SPAG16: variants seen among roughly 807,000 people sequenced by gnomAD.
SPAG16 encodes the protein sperm-associated antigen 16 protein.
Under a neutral mutation model 80.4 loss-of-function variants are expected in SPAG16, and 86 were observed. The observed-to-expected ratio is 1.07, with a 90% CI of 0.90 to 1.28. The LOEUF is 1.28. Among genes scored for constraint, SPAG16 ranks in the 50% most tolerant of loss-of-function variants. The pLI, the probability that SPAG16 is intolerant of heterozygous loss-of-function variation, is 0.00. For missense variants in SPAG16, 870 were observed against 765.3 expected, an observed-to-expected ratio of 1.14 and a Z score of -1.61; for synonymous variants, 294 against 265.9, an observed-to-expected ratio of 1.11 and a Z score of -1.03.
chr2:213,941,182 T>C (rs1422608629), intron 12 of SPAG16, among the ~76,000 whole-genome samples: 1 of 152,192 alleles, frequency 6.6e-6, no homozygotes, highest in African/African-American at 2.4e-5. Context: ...ACTGTATGGT[T>C]TGGAATTAAA....
At chr2:214,172,967 G>C (rs2056931808) in intron 15 of SPAG16, among the ~76,000 whole-genome samples, 1 of 151,816 alleles carries the variant, frequency 6.6e-6, no homozygotes, top group Non-Finnish European at 1.5e-5. Flanking sequence ...TTGTAAATTT[G>C]TTTGAGTTCA....
At chr2:213,361,166 A>G (rs928120952) in intron 7 of SPAG16, among the ~76,000 whole-genome samples, 1 of 152,100 alleles carries the variant, frequency 6.6e-6, no homozygotes, top group Non-Finnish European at 1.5e-5. Context: ...GTGAATCAAC[A>G]TTTATTTAAA....
intron 11 of SPAG16, among the ~76,000 whole-genome samples, chr2:213,892,240 A>G (rs1397004246): frequency 6.6e-6 from 1 of 152,124 alleles, no homozygotes; most frequent in African/African-American, 2.4e-5. Context: ...AGCTTTTACT[A>G]GAGCCAAGGC....
chr2:213,854,619 C>T (rs560673999), intron 10 of SPAG16, among the ~76,000 whole-genome samples: 1 of 152,192 alleles, frequency 6.6e-6, no homozygotes, highest in Non-Finnish European at 1.5e-5. Context: ...AAGTCCTGTA[C>T]AAGTATTAAC....
chr2:214,238,173 A>G (rs1364052250), intron 15 of SPAG16: 2 of 438,604 alleles, frequency 4.6e-6, no homozygotes, highest in South Asian at 3.3e-5. Flanking sequence ...GAGCTCAGAT[A>G]TATTATTTCC....
At chr2:213,751,285 G>T (rs2068066309) in intron 10 of SPAG16, among the ~76,000 whole-genome samples, 1 of 152,014 alleles carries the variant, frequency 6.6e-6, no homozygotes, top group African/African-American at 2.4e-5. Flanking sequence ...CTCCACGTAT[G>T]GTTGCTTGCA....
intron 15 of SPAG16, among the ~76,000 whole-genome samples, chr2:214,295,738 C>T (rs1344735303): frequency 3.3e-5 from 5 of 151,948 alleles, no homozygotes; most frequent in African/African-American, 1.2e-4. Context: ...TTGCAGTGAG[C>T]TGAGATCAAG....
At chr2:213,654,492 C>T (rs1056455522) in intron 10 of SPAG16, among the ~76,000 whole-genome samples, 7 of 135,880 alleles carry the variant, frequency 5.2e-5, no homozygotes, top group South Asian at 2.2e-4. Context: ...GTCAGAAGAT[C>T]GAGACCAACC....
At chr2:214,274,308 C>T (rs548683469) in intron 15 of SPAG16, among the ~76,000 whole-genome samples, 1 of 152,296 alleles carries the variant, frequency 6.6e-6, no homozygotes, top group East Asian at 1.9e-4. Flanking sequence ...CCTGATTGCC[C>T]TGGCCAGAAC....
At position 214,079,394 on chromosome 2, in the gene SPAG16, C is replaced by G. The variant is rs373125547; in HGVS notation, c.1528-28802C>G. ...ACAATCTGGTAAAGAAAAGAAATCT[C>G]TTTGTTTGAATAATTTGTTGTGTTC... On this transcript the variant is annotated intron_variant, in intron 13 of 15. Coordinates refer to ENST00000331683, the MANE Select transcript of SPAG16 (RefSeq NM_024532.5). Among the ~76,000 whole-genome samples, 61 of 152,242 alleles carry G rather than the reference C, an allele frequency of 4.0e-4. 1 individual carries two copies. In the South Asian group the frequency reaches 0.013, roughly 32 times the overall value.
intron 15 of SPAG16, among the ~76,000 whole-genome samples, chr2:214,352,580 G>GAC (rs1553562817): frequency 1.6e-5 from 1 of 61,994 alleles, no homozygotes; most frequent in African/African-American, 3.1e-5. Flanking sequence ...GTGTGTATGT[G>GAC]TGACTATCTC....
intron 9 of SPAG16, among the ~76,000 whole-genome samples, chr2:213,481,672 A>G (rs16850382): frequency 0.041 from 6,208 of 152,324 alleles, 418 homozygotes; most frequent in African/African-American, 0.14. Flanking sequence ...TAAGTAACCC[A>G]GGTGTGTCCT....
At chr2:213,317,732 G>C in intron 5 of SPAG16, 1 of 986,258 alleles carries the variant, frequency 1.0e-6, no homozygotes, top group South Asian at 4.7e-5. Context: ...GTTTATTCCT[G>C]GTAGAGGAAT....
intron 15 of SPAG16, among the ~76,000 whole-genome samples, chr2:214,256,865 C>T (rs963994016): frequency 2.0e-5 from 3 of 152,024 alleles, no homozygotes; most frequent in Non-Finnish European, 4.4e-5. Flanking sequence ...TCCTCCAAAG[C>T]TGTTTTTCTT....
At chr2:213,997,644 G>C (rs2046588494) in intron 12 of SPAG16, among the ~76,000 whole-genome samples, 1 of 152,180 alleles carries the variant, frequency 6.6e-6, no homozygotes, top group African/African-American at 2.4e-5. Flanking sequence ...ACATTTTAAA[G>C]AAGAGGTGTC....
At chr2:213,331,080 C>T (rs554844286) in intron 5 of SPAG16, among the ~76,000 whole-genome samples, 1 of 152,280 alleles carries the variant, frequency 6.6e-6, no homozygotes, top group African/African-American at 2.4e-5. Context: ...GACTAATACA[C>T]CTCTCCATCT....
chr2:213,488,258 G>A (rs915343649), intron 9 of SPAG16, among the ~76,000 whole-genome samples: 2 of 152,132 alleles, frequency 1.3e-5, no homozygotes, highest in Admixed American at 1.3e-4. Flanking sequence ...GTATGCACGT[G>A]TGTGTATACG....
chr2:214,295,805 G>T (rs772717155), intron 15 of SPAG16, among the ~76,000 whole-genome samples: 3 of 152,056 alleles, frequency 2.0e-5, no homozygotes, highest in African/African-American at 4.8e-5. Flanking sequence ...AAAGGGAAAA[G>T]AAGGGATATG....
At chr2:214,309,563 G>T (rs1028802383) in intron 15 of SPAG16, among the ~76,000 whole-genome samples, 3 of 149,700 alleles carry the variant, frequency 2.0e-5, no homozygotes, top group African/African-American at 7.4e-5. Flanking sequence ...CTTTGGATAG[G>T]TTTTTTTTTT....
Sources: gnomAD v4.1 joint callset for allele counts (sites outside exome capture counted in the v4.1 genomes callset) on GRCh38, gnomAD v4.1.1 for gene constraint, MANE v1.5 for transcripts, NCBI Gene and HGNC (gene_info 2026-07-23, HGNC 2026-07-21) for gene names.